Variants in COX7B2 observed in about 807,000 individuals in gnomAD.
COX7B2 encodes the protein cytochrome c oxidase subunit 7B2, also known as cytochrome c oxidase subunit 7B2, mitochondrial.
For synonymous variants in COX7B2, 37 were observed against 32.1 expected, an observed-to-expected ratio of 1.15 and a Z score of -0.51; for missense variants, 109 against 95.9, an observed-to-expected ratio of 1.14 and a Z score of -0.57.
At chr4:46,824,704 C>T (rs1714556666) in intron 2 of COX7B2, among the ~76,000 whole-genome samples, 2 of 147,460 alleles carry the variant, frequency 1.4e-5, no homozygotes, top group South Asian at 4.3e-4. Flanking sequence ...GGCTTCATCA[C>T]CAAATGCAAG....
chr4:46,784,019 A>G (rs998706878), intron 2 of COX7B2, among the ~76,000 whole-genome samples: 1 of 152,168 alleles, frequency 6.6e-6, no homozygotes, highest in East Asian at 1.9e-4. Context: ...GTCTGTGTAT[A>G]TCTCATCAAA....
intron 1 of COX7B2, among the ~76,000 whole-genome samples, chr4:46,890,885 A>G (rs1206213248): frequency 3.3e-5 from 5 of 152,190 alleles, no homozygotes; most frequent in Non-Finnish European, 7.4e-5. Context: ...ATAATAGCAT[A>G]GTTACATTTT....
chr4:46,857,706 C>G (rs1717082399), intron 1 of COX7B2, among the ~76,000 whole-genome samples: 1 of 152,132 alleles, frequency 6.6e-6, no homozygotes. Context: ...GTAGAATTCC[C>G]CAGTGGAAGA....
intron 1 of COX7B2, among the ~76,000 whole-genome samples, chr4:46,856,464 G>A (rs1034199079): frequency 2.2e-4 from 34 of 152,192 alleles, no homozygotes; most frequent in African/African-American, 8.2e-4. Flanking sequence ...ATTTTACATG[G>A]ACTAAGGTAA....
chr4:46,849,368 G>A (rs1402365059), intron 1 of COX7B2, among the ~76,000 whole-genome samples: 2 of 152,038 alleles, frequency 1.3e-5, no homozygotes, highest in African/African-American at 2.4e-5. Context: ...ATCATGGCAT[G>A]GAGGAGTTTT....
At chr4:46,866,762 A>G (rs1717692399) in intron 1 of COX7B2, among the ~76,000 whole-genome samples, 1 of 152,102 alleles carries the variant, frequency 6.6e-6, no homozygotes, top group Non-Finnish European at 1.5e-5. Flanking sequence ...TCCTTTGCCA[A>G]AGGATTACAA....
At chr4:46,749,531 G>A (rs569993047) in intron 2 of COX7B2, among the ~76,000 whole-genome samples, 9 of 152,144 alleles carry the variant, frequency 5.9e-5, no homozygotes, top group African/African-American at 2.2e-4. Context: ...AAATATTGTA[G>A]TATAAATAGT....
chr4:46,817,360 G>GT (rs937692356), intron 2 of COX7B2, among the ~76,000 whole-genome samples: 7 of 152,138 alleles, frequency 4.6e-5, no homozygotes, highest in African/African-American at 1.4e-4. Flanking sequence ...AGACATTGAG[G>GT]TTTTCAGGAT....
intron 2 of COX7B2, among the ~76,000 whole-genome samples, chr4:46,817,166 G>C (rs557128181): frequency 6.6e-6 from 1 of 152,302 alleles, no homozygotes; most frequent in Admixed American, 6.5e-5. Flanking sequence ...ACTGTTCTTT[G>C]CTAGAGTTTA....
At chr4:46,812,736 G>A (rs1366722189) in intron 2 of COX7B2, among the ~76,000 whole-genome samples, 1 of 152,140 alleles carries the variant, frequency 6.6e-6, no homozygotes, top group African/African-American at 2.4e-5. Context: ...CATAACCACA[G>A]CTCAGCCAAT....
intron 1 of COX7B2, among the ~76,000 whole-genome samples, chr4:46,849,410 T>C (rs1716517639): frequency 6.6e-6 from 1 of 152,088 alleles, no homozygotes; most frequent in African/African-American, 2.4e-5. Flanking sequence ...ATTTTCTATT[T>C]TTTAAATGCC....
chr4:46,907,334 C>A (rs1305792399), intron 1 of COX7B2, among the ~76,000 whole-genome samples: 1 of 152,130 alleles, frequency 6.6e-6, no homozygotes, highest in African/African-American at 2.4e-5. Flanking sequence ...CCAGCTCTAA[C>A]TTATTTTATT....
At chr4:46,907,000 C>T (rs887561108) in intron 1 of COX7B2, among the ~76,000 whole-genome samples, 1 of 152,180 alleles carries the variant, frequency 6.6e-6, no homozygotes, top group Non-Finnish European at 1.5e-5. Flanking sequence ...AACAGATTTC[C>T]CTAGTCTTAG....
intron 1 of COX7B2, among the ~76,000 whole-genome samples, chr4:46,899,361 G>T (rs1044919241): frequency 1.3e-5 from 2 of 152,156 alleles, no homozygotes; most frequent in Non-Finnish European, 2.9e-5. Flanking sequence ...GATGAGTTAA[G>T]TAAGGCAAGC....
intron 2 of COX7B2, among the ~76,000 whole-genome samples, chr4:46,743,390 A>C: frequency 6.6e-6 from 1 of 152,160 alleles, no homozygotes; most frequent in East Asian, 1.9e-4. Context: ...ATGCTAATGG[A>C]ACTCTCAGAA....
At chr4:46,813,649 C>A (rs1216422562) in intron 2 of COX7B2, among the ~76,000 whole-genome samples, 4 of 152,104 alleles carry the variant, frequency 2.6e-5, no homozygotes, top group Admixed American at 2.6e-4. Flanking sequence ...GTGCAGCAAA[C>A]CACCATGGCA....
rs374666615 is a variant in COX7B2, at chr4:46,864,732, C to T, written c.-104-19718G>A. On this transcript the variant is annotated intron_variant, in intron 1 of 2. Coordinates refer to ENST00000355591, the MANE Select transcript of COX7B2 (RefSeq NM_130902.3). ...CGATCTAGGCTCACTGCAAGCTCCA[C>T]CTCCCGGGTTCACGCCATTCTCCTG... 3.5e-4 allele frequency among the ~76,000 whole-genome samples: 54 copies of T among 152,128 alleles called. No homozygotes were observed. The South Asian group carries it at 0.011, about 32-fold the overall frequency.
Position 46,901,858 on chromosome 4 carries a change from G to A in COX7B2, c.-105+7302C>T, listed in dbSNP as rs557528098. Among the ~76,000 whole-genome samples, 9 of 152,288 alleles carry A rather than the reference G, an allele frequency of 5.9e-5. No individual in the cohort carries two copies. The South Asian group carries it at 1.9e-3, about 32-fold the overall frequency. ...TCAGTGGTCTCCCATGAGTCCTCAGGCCTTGGGTATTAGAGTGGAAGTTAC... is the reference window on the plus strand; with the variant it reads ...TCAGTGGTCTCCCATGAGTCCTCAGACCTTGGGTATTAGAGTGGAAGTTAC... On this transcript the variant is annotated intron_variant, in intron 1 of 2. Coordinates refer to ENST00000355591, the MANE Select transcript of COX7B2 (RefSeq NM_130902.3).
At chr4:46,865,980 T>C (rs557696249) in intron 1 of COX7B2, among the ~76,000 whole-genome samples, 10 of 152,286 alleles carry the variant, frequency 6.6e-5, no homozygotes, top group African/African-American at 1.9e-4. Flanking sequence ...ACCTGGGAGA[T>C]TGGGTACTAG....
Sources: gnomAD v4.1 joint callset for allele counts (sites outside exome capture counted in the v4.1 genomes callset) on GRCh38, gnomAD v4.1.1 for gene constraint, MANE v1.5 for transcripts, NCBI Gene and HGNC (gene_info 2026-07-23, HGNC 2026-07-21) for gene names.